The following SCNN1A variants were observed in gnomAD, a reference collection of about 807,000 sequenced individuals.
The protein encoded by SCNN1A is epithelial sodium channel subunit alpha.
In SCNN1A, 65 loss-of-function variants were observed where a neutral mutation model predicts 68.6. The observed-to-expected ratio is 0.95, with a 90% CI of 0.78 to 1.16. The LOEUF is 1.16. Ranked by LOEUF, SCNN1A falls within the 50% of genes most tolerant of loss-of-function variation. The probability of loss-of-function intolerance (pLI) is 0.00; values close to 1 mark genes in which losing one functional copy is unlikely to be tolerated. For missense variants in SCNN1A, 880 were observed against 865.9 expected (o/e 1.02, Z -0.20); for synonymous variants, 357 against 353.3 (o/e 1.01, Z -0.12).
At chr12:6,373,200 A>G (rs918656075) in intron 2 of SCNN1A, among the ~76,000 whole-genome samples, 2 of 151,980 alleles carry the variant, frequency 1.3e-5, no homozygotes, top group South Asian at 2.1e-4. Context: ...ACCTTTGGAC[A>G]TGATGGAATA....
intron 6 of SCNN1A, 91 bp downstream of exon 6, chr12:6,355,181 A>T: frequency 1.4e-6 from 2 of 1,425,382 alleles, no homozygotes; most frequent in Non-Finnish European, 9.7e-7. Context: ...GGCCCACCCC[A>T]CATGCTCTCC....
rs536525535 is a variant in SCNN1A at position 6,351,621 on chromosome 12, T to C, written c.1361-2216A>G. 7.5e-4 allele frequency among the ~76,000 whole-genome samples: 112 copies of C among 148,476 alleles called. No homozygotes were observed. Among genetic ancestry groups the C allele is most frequent in the African/African-American group, 2.7e-3 (110 of 40,182 alleles). ...CAGTCTGGGCGACAGAGGGAGATTC[T>C]GTCTCCAGAAGAAAAAAAAAAAAAA... On this transcript the variant is annotated intron_variant, in intron 8 of 12. Coordinates refer to ENST00000228916, the MANE Select transcript of SCNN1A (RefSeq NM_001038.6). This position sits in a 1 kb window ranked among gnomAD's most constrained non-coding sequence, Gnocchi z 4.2.
Position 6,375,485 on chromosome 12 carries a change from A to G in SCNN1A, c.-55+20T>C, listed in dbSNP as rs900837251. On this transcript the variant is annotated intron_variant, in intron 1 of 12. Transcript: ENST00000228916. ...TCCTTTCCAGTTGAATCTGGCAGCC[A>G]AACCTCTCCTCCCCCTCACCTGACA... is the stretch of plus-strand genomic sequence containing the variant. The G allele has an allele frequency of 3.0e-5, 46 of 1,535,546 alleles. No individual in the cohort carries two copies. Among genetic ancestry groups the G allele is most frequent in the Non-Finnish European group, 4.0e-5 (46 of 1,146,840 alleles).
At chr12:6,360,505 G>T (rs3782726) in intron 4 of SCNN1A, among the ~76,000 whole-genome samples, 100,825 of 152,096 alleles carry the variant, frequency 0.66, 34,423 homozygotes, top group African/African-American at 0.82. Context: ...AGGTGTGGGC[G>T]GACTCAGGCT....
intron 12 of SCNN1A, among the ~76,000 whole-genome samples, 189 bp downstream of exon 12, chr12:6,348,538 G>C (rs1226593539): frequency 1.5e-5 from 2 of 133,822 alleles, no homozygotes; most frequent in Non-Finnish European, 3.2e-5. Flanking sequence ...CACCCCCAGA[G>C]ACCTTATGCC....
At chr12:6,348,372 T>C (rs1948302002) in intron 12 of SCNN1A, 119 bp from the exon 13 acceptor site, 2 of 1,549,550 alleles carry the variant, frequency 1.3e-6, no homozygotes, top group Admixed American at 1.9e-5. Flanking sequence ...CCCCGAGTCC[T>C]CTCAGCCTCT....
intron 2 of SCNN1A, among the ~76,000 whole-genome samples, chr12:6,365,026 C>CTTTTT (rs56408845): frequency 7.3e-6 from 1 of 136,770 alleles, no homozygotes; most frequent in Non-Finnish European, 1.6e-5. Flanking sequence ...AAAATTCCAG[C>CTTTTT]TTTTTTTTTT....
rs370593306 is a variant in SCNN1A, at chr12:6,347,830, C to T, written c.*43G>A. On this transcript the variant is annotated 3_prime_UTR_variant, in exon 13 of 13. Transcript: ENST00000228916. The stretch of plus-strand genomic sequence containing the variant: ...CTTGCCAGGGCCAGCACCCTCCCAC[C>T]AGAGGAGCATCTGCCTTGGTGTGAG... The T allele has an allele frequency of 2.6e-6, 4 of 1,551,438 alleles. No homozygotes were observed. The highest frequency in any genetic ancestry group is 4.6e-4 in the Middle Eastern group (2 of 4,358).
At chr12:6,363,821 A>G in intron 2 of SCNN1A, 111 bp from the exon 3 acceptor site, 1 of 1,088,304 alleles carries the variant, frequency 9.2e-7, no homozygotes, top group Non-Finnish European at 1.3e-6. Context: ...ATCCCGGAGA[A>G]GCCTGGGCGG....
At chr12:6,376,267 T>C (rs11831941), upstream of SCNN1A, 1,649 of 853,208 alleles carry the variant, frequency 1.9e-3, 14 homozygotes, top group African/African-American at 0.028. Flanking sequence ...CCTCCAACCT[T>C]GTCCAGACCC....
intron 6 of SCNN1A, 73 bp downstream of exon 6, chr12:6,355,195 TCCAG>T: frequency 6.6e-7 from 1 of 1,513,990 alleles, no homozygotes; most frequent in Non-Finnish European, 9.0e-7. Flanking sequence ...GCTCTCCCTC[TCCAG>T]CCTCCCATGC....
At chr12:6,349,660 G>C (rs775737742) in intron 8 of SCNN1A, among the ~76,000 whole-genome samples, 1 of 152,044 alleles carries the variant, frequency 6.6e-6, no homozygotes, top group Non-Finnish European at 1.5e-5. Flanking sequence ...AGTGAGCTAT[G>C]AGTGTGCCTT....
chr12:6,374,565 G>A lies in SCNN1A; in HGVS notation c.219C>T (p.Arg73=). ...TGCGGTTGTGCTGGGAGCACACCAGGCGGATGGCGCCGTGGATGGTGGTGT... is the reference window on the plus strand; with the variant it reads ...TGCGGTTGTGCTGGGAGCACACCAGACGGATGGCGCCGTGGATGGTGGTGT... The part of the protein sequence containing the change: ...CNNTTIHGAI[R]LVCSQHNRMK... Residue 73 remains arginine, a synonymous_variant, in exon 2 of 13, where the codon CGC becomes CGT. Coordinates refer to ENST00000228916, the MANE Select transcript of SCNN1A (RefSeq NM_001038.6). The surrounding 1 kb of genome is among the most constrained non-coding windows in gnomAD (Gnocchi z 6.2). 1.2e-6 allele frequency: 2 copies of A among 1,614,178 alleles called. No individual in the cohort carries two copies. The highest frequency in any genetic ancestry group is 1.6e-4 in the Middle Eastern group (1 of 6,062).
At chr12:6,348,561 C>T (rs909202122) in intron 12 of SCNN1A, among the ~76,000 whole-genome samples, 166 bp downstream of exon 12, 8 of 145,318 alleles carry the variant, frequency 5.5e-5, no homozygotes, top group African/African-American at 2.1e-4. Context: ...GGCCGAGCTC[C>T]TTCTTCCAAC....
At chr12:6,359,548 T>A (rs1366874281) in intron 4 of SCNN1A, among the ~76,000 whole-genome samples, 1 of 152,088 alleles carries the variant, frequency 6.6e-6, no homozygotes, top group Non-Finnish European at 1.5e-5. Flanking sequence ...AATGAGTGAA[T>A]CCTCACACTA....
At chr12:6,370,935 A>G (rs1592084238) in intron 2 of SCNN1A, among the ~76,000 whole-genome samples, 1 of 152,136 alleles carries the variant, frequency 6.6e-6, no homozygotes, top group Non-Finnish European at 1.5e-5. Flanking sequence ...TCTGTTTTCC[A>G]TGACTGTAGG....
rs1244162948 is a variant in SCNN1A, at chr12:6,349,306, C to G, written c.1439+21G>C. On this transcript the variant is annotated intron_variant, in intron 9 of 12. Coordinates refer to ENST00000228916, the MANE Select transcript of SCNN1A (RefSeq NM_001038.6). ...TAACCTGTATTCTACCCAACCTGTACCCGGGGAAGGGGACACTAACCTGCA... is the reference window on the plus strand; with the variant it reads ...TAACCTGTATTCTACCCAACCTGTAGCCGGGGAAGGGGACACTAACCTGCA... 1.9e-6 allele frequency: 3 copies of G among 1,613,522 alleles called. No homozygotes were observed. In the Admixed American group the frequency reaches 5.0e-5, roughly 27 times the overall value.
Position 6,375,559 on chromosome 12 carries a change from GA to G in SCNN1A, c.-110del. On this transcript the variant is annotated 5_prime_UTR_variant, in exon 1 of 13. Coordinates refer to ENST00000228916, the MANE Select transcript of SCNN1A (RefSeq NM_001038.6). The stretch of plus-strand genomic sequence containing the variant: ...CCCGCCCGCTGGCCGGCCAGGGATG[GA>G]AGCGACAGGAATCTCATTAGCATCT... 6.5e-7 allele frequency: 1 copy of G among 1,533,864 alleles called. No homozygotes were observed. The highest frequency in any genetic ancestry group is 8.7e-7 in the Non-Finnish European group (1 of 1,145,910).
chr12:6,374,668 T>C lies in SCNN1A; in HGVS notation c.116A>G (p.Gln39Arg). ...GGCCTCCTCCTCCGCCGTGGGCTGC[T>C]GGGGCGCCGCAGGTTCGGGGCCCAG... ...QGLGPEPAAP[Q>R]QPTAEEEALI... The change falls in exon 2 of 13, where the codon CAG becomes CGG. Residue 39 changes from glutamine to arginine, a missense_variant. Around this residue, in one of 3 missense-constraint regions of SCNN1A, gnomAD observed 77 missense variants for 67.4 expected, o/e 1.14. Transcript: ENST00000228916. This position sits in a 1 kb window ranked among gnomAD's most constrained non-coding sequence, Gnocchi z 6.2. The C allele has an allele frequency of 1.2e-6, 2 of 1,613,830 alleles. No individual in the cohort carries two copies. Among genetic ancestry groups the C allele is most frequent in the African/African-American group, 2.7e-5 (2 of 75,028 alleles).
Sources: gnomAD v4.1 joint callset for allele counts (sites outside exome capture counted in the v4.1 genomes callset) on GRCh38, gnomAD v4.1.1 for gene constraint, gnomAD v4.1.1 regional missense constraint, Gnocchi (gnomAD v3.1) non-coding constraint, MANE v1.5 for transcripts, NCBI Gene and HGNC (gene_info 2026-07-23, HGNC 2026-07-21) for gene names.